HSP90B1: variants seen among roughly 807,000 people sequenced by gnomAD.
HSP90B1 encodes the protein endoplasmin.
HSP90B1 carries 27 observed loss-of-function variants against 100.4 expected under a neutral mutation model. The observed-to-expected ratio is 0.27, with a 90% CI of 0.20 to 0.37. The LOEUF (loss-of-function observed/expected upper bound fraction) is 0.37, where lower values mean the gene tolerates loss of function less well. HSP90B1 is among the 10% of genes least tolerant of loss of function. The pLI, the probability that HSP90B1 is intolerant of heterozygous loss-of-function variation, is 1.00. For missense variants in HSP90B1, 678 were observed against 960.5 expected (o/e 0.71, Z 3.89); for synonymous variants, 304 against 330.8 (o/e 0.92, Z 0.88).
At chr12:103,939,717 A>G in intron 8 of HSP90B1, 92 bp downstream of exon 8, 2 of 602,712 alleles carry the variant, frequency 3.3e-6, no homozygotes, top group Admixed American at 3.1e-5. Context: ...GTGACCATGA[A>G]TATGAGATGG....
intron 5 of HSP90B1, among the ~76,000 whole-genome samples, chr12:103,935,097 T>C (rs1593488157): frequency 6.6e-6 from 1 of 152,092 alleles, no homozygotes; most frequent in East Asian, 1.9e-4. Context: ...CTCTTGAAAA[T>C]ATTCAAGATG....
At chr12:103,931,794 T>C (rs1869772279) in intron 2 of HSP90B1, 171 bp downstream of exon 2, 2 of 665,434 alleles carry the variant, frequency 3.0e-6, no homozygotes, top group East Asian at 6.0e-5. Context: ...CTAGGAGTGA[T>C]GAAAACTGAG....
At position 103,942,698 on chromosome 12, in the gene HSP90B1, C is replaced by T; in HGVS notation, c.1546C>T (p.His516Tyr). ...TAAACTTCTTAGGTTCCAGTCTTCTCATCATCCAACTGACATTACTAGCCT... is the reference window on the plus strand; with the variant it reads ...TAAACTTCTTAGGTTCCAGTCTTCTTATCATCCAACTGACATTACTAGCCT... ...LAKLLRFQSS[H>Y]HPTDITSLDQ... Residue 516 changes from histidine (H) to tyrosine (Y), a missense_variant, in exon 12 of 18, where the codon CAT (histidine) becomes TAT (tyrosine). Coordinates refer to ENST00000299767, the MANE Select transcript of HSP90B1 (RefSeq NM_003299.3). 3.7e-6 allele frequency: 6 copies of T among 1,613,912 alleles called. No individual in the cohort carries two copies. The highest frequency in any genetic ancestry group is 1.7e-5 in the Admixed American group (1 of 60,020).
chr12:103,939,699 T>C, intron 8 of HSP90B1, 74 bp downstream of exon 8: 1 of 706,656 alleles, frequency 1.4e-6, no homozygotes, highest in East Asian at 2.9e-5. Flanking sequence ...TTTAATTGTA[T>C]ATGGTATGTG....
intron 5 of HSP90B1, 52 bp from the exon 6 acceptor site, chr12:103,937,643 A>T (rs530808903): frequency 8.3e-5 from 72 of 868,724 alleles, no homozygotes; most frequent in Non-Finnish European, 1.3e-4. Context: ...ATGAATTTAT[A>T]ATCAGATCTT....
chr12:103,942,777 C>G lies in HSP90B1; in HGVS notation c.1625C>G (p.Ala542Gly). The change falls in exon 12 of 18, where the codon GCT becomes GGT. Residue 542 changes from alanine (A) to glycine (G), a missense_variant. Physicochemically the swap from Ala to Gly is moderately conservative, Grantham distance 60 (BLOSUM62 0). Transcript: ENST00000299767. Reference protein sequence around the residue: ...KEKQDKIYFMAGSSRKEAESS... With the variant: ...KEKQDKIYFMGGSSRKEAESS... Reference sequence around the variant, plus strand: ...AAACAAGACAAAATCTACTTCATGGCTGGGTCCAGCAGAAAAGAGGTGAGA... The same window carrying G: ...AAACAAGACAAAATCTACTTCATGGGTGGGTCCAGCAGAAAAGAGGTGAGA... 6.2e-7 allele frequency: 1 copy of G among 1,613,840 alleles called. No individual in the cohort carries two copies. Among genetic ancestry groups the G allele is most frequent in the South Asian group, 1.1e-5 (1 of 91,056 alleles).
chr12:103,943,342 T>G lies in HSP90B1; in HGVS notation c.1890+23T>G, dbSNP rs1870131641. 1 of 1,608,426 alleles carries G rather than the reference T, an allele frequency of 6.2e-7. No homozygotes were observed. Among genetic ancestry groups the G allele is most frequent in the Admixed American group, 1.7e-5 (1 of 59,618 alleles). ...AAGGTACTGTGGAAATTACAAATTG[T>G]GGAAATATTAGTATCAGCATTTAAG... On this transcript the variant is annotated intron_variant, in intron 13 of 17. Transcript: ENST00000299767. The surrounding 1 kb of genome is among the most constrained non-coding windows in gnomAD (Gnocchi z 5.3).
intron 14 of HSP90B1, among the ~76,000 whole-genome samples, 168 bp downstream of exon 14, chr12:103,944,042 GAGAA>G (rs2136217096): frequency 6.6e-6 from 1 of 152,330 alleles, no homozygotes; most frequent in Non-Finnish European, 1.5e-5. Flanking sequence ...ACATTTGATT[GAGAA>G]AGAAAAGGTC....
rs192194321 is a variant in HSP90B1 at position 103,943,386 on chromosome 12, C to T, written c.1890+67C>T. 3.8e-5 allele frequency: 55 copies of T among 1,446,028 alleles called. No homozygotes were observed. The African/African-American group carries it at 5.3e-4, about 14-fold the overall frequency. The allele number at this position is 1,446,028 out of a possible 1,614,324, so 89.6% of individuals were successfully genotyped here. ...ATTTAAGAGAAAGTTATTTTGTGAACAAATTAAGCTGCAGCTGGTTACTTT... is the reference window on the plus strand; with the variant it reads ...ATTTAAGAGAAAGTTATTTTGTGAATAAATTAAGCTGCAGCTGGTTACTTT... On this transcript the variant is annotated intron_variant, in intron 13 of 17. Coordinates refer to ENST00000299767, the MANE Select transcript of HSP90B1 (RefSeq NM_003299.3). This position sits in a 1 kb window ranked among gnomAD's most constrained non-coding sequence, Gnocchi z 5.3.
intron 5 of HSP90B1, among the ~76,000 whole-genome samples, chr12:103,934,724 G>A (rs987232047): frequency 9.9e-5 from 15 of 152,220 alleles, no homozygotes; most frequent in African/African-American, 2.4e-4. Context: ...ATTTTGAGAC[G>A]GAGTCTCACT....
rs774118680 is a variant in HSP90B1, at chr12:103,934,060, C to A, written c.516C>A (p.Ser172Arg). ...NLGTIAKSGT[S>R]EFLNKMTEAQ... is the part of the protein sequence containing the mutation. ...GTACCATAGCCAAATCTGGGACAAG[C>A]GAGTTTTTAAACAAAATGACTGAAG... Residue 172 changes from serine to arginine, a missense_variant, in exon 5 of 18, where the codon AGC (serine) becomes AGA (arginine). Coordinates refer to ENST00000299767, the MANE Select transcript of HSP90B1 (RefSeq NM_003299.3). 1.9e-6 allele frequency: 3 copies of A among 1,614,034 alleles called. No individual in the cohort carries two copies.
Position 103,943,003 on chromosome 12 carries a change from T to C in HSP90B1, c.1645-71T>C, listed in dbSNP as rs561605690. 2.2e-4 allele frequency: 346 copies of C among 1,568,900 alleles called. 3 individuals are homozygous for C. The South Asian group carries it at 4.0e-3, about 18-fold the overall frequency. ...TGGAGTTTTTAATAATGTATAAACA[T>C]AGCAGCTGCTAGGATAAACAAATAC... On this transcript the variant is annotated intron_variant, in intron 12 of 17. Coordinates refer to ENST00000299767, the MANE Select transcript of HSP90B1 (RefSeq NM_003299.3). The surrounding 1 kb of genome is among the most constrained non-coding windows in gnomAD (Gnocchi z 5.3).
chr12:103,933,021 G>A (rs1343636580), intron 4 of HSP90B1, 79 bp downstream of exon 4: 3 of 769,182 alleles, frequency 3.9e-6, no homozygotes, highest in South Asian at 1.6e-5. Flanking sequence ...GTCAAGATAG[G>A]CTAGATTATT....
rs780790954 is a variant in HSP90B1 at position 103,941,904 on chromosome 12, G to A, written c.1374+7G>A. On this transcript the variant is annotated splice_region_variant and intron_variant, in intron 11 of 17. Coordinates refer to ENST00000299767, the MANE Select transcript of HSP90B1 (RefSeq NM_003299.3). ...GCAACATAAACTGCTTAAGGTAAGT[G>A]TCTCTGGGAAGAAACTCTCCACTTT... The A allele has an allele frequency of 6.2e-7, 1 of 1,610,460 alleles. No homozygotes were observed. The highest frequency in any genetic ancestry group is 8.5e-7 in the Non-Finnish European group (1 of 1,176,828).
At position 103,934,288 on chromosome 12, in the gene HSP90B1, G is replaced by A. The variant is rs1212470292; in HGVS notation, c.743+1G>A. On this transcript the variant is annotated splice_donor_variant, in intron 5 of 17. Transcript: ENST00000299767. LOFTEE classifies it high-confidence loss of function. ...CTCTAGGACGGGGAACGACAATTACGTGAGTATGACCAATTCCTTATAAGA... is the reference window on the plus strand; with the variant it reads ...CTCTAGGACGGGGAACGACAATTACATGAGTATGACCAATTCCTTATAAGA... 3.7e-6 allele frequency: 6 copies of A among 1,607,534 alleles called. No homozygotes were observed. The highest frequency in any genetic ancestry group is 2.2e-5 in the East Asian group (1 of 44,838).
rs1296673736 is a variant in HSP90B1, at chr12:103,941,614, T to G, written c.1231-15T>G. The G allele has an allele frequency of 1.9e-6, 3 of 1,613,840 alleles. No homozygotes were observed. The highest frequency in any genetic ancestry group is 2.5e-6 in the Non-Finnish European group (3 of 1,179,936). On this transcript the variant is annotated splice_polypyrimidine_tract_variant and intron_variant, in intron 9 of 17. Coordinates refer to ENST00000299767, the MANE Select transcript of HSP90B1 (RefSeq NM_003299.3). The stretch of plus-strand genomic sequence containing the variant: ...GTTTAATTTCCAGAAAGTGACTTTT[T>G]TTTGGTCTCTTTAGCTCTATGTGCG...
chr12:103,935,525 A>G (rs551435840), intron 5 of HSP90B1, among the ~76,000 whole-genome samples: 20 of 152,306 alleles, frequency 1.3e-4, no homozygotes, highest in African/African-American at 4.8e-4. Flanking sequence ...ATTGTGACCA[A>G]CTTTCTTCAT....
Position 103,939,609 on chromosome 12 carries a change from A to G in HSP90B1, c.1076A>G (p.Tyr359Cys), listed in dbSNP as rs1400817670. The part of the protein sequence containing the change: ...EVEEDEYKAF[Y>C]KSFSKESDDP... ...GAAGAAGATGAATACAAAGCTTTCTACAAATCATTTTCAAAGGTAAATATT... is the reference window on the plus strand; with the variant it reads ...GAAGAAGATGAATACAAAGCTTTCTGCAAATCATTTTCAAAGGTAAATATT... Residue 359 changes from tyrosine (Y) to cysteine (C), a missense_variant, in exon 8 of 18, where the codon TAC becomes TGC. Tyr to Cys is a radical substitution (Grantham distance 194, BLOSUM62 -2). Coordinates refer to ENST00000299767, the MANE Select transcript of HSP90B1 (RefSeq NM_003299.3). The G allele has an allele frequency of 1.3e-6, 2 of 1,492,708 alleles. No individual in the cohort carries two copies. The highest frequency in any genetic ancestry group is 9.1e-7 in the Non-Finnish European group (1 of 1,093,578). 92.5% of individuals were successfully genotyped at this position (1,492,708 alleles called of 1,614,324 possible).
intron 3 of HSP90B1, 86 bp downstream of exon 3, chr12:103,932,504 T>C (rs1869798270): frequency 3.3e-6 from 4 of 1,197,102 alleles, no homozygotes; most frequent in Non-Finnish European, 4.8e-6. Context: ...GCAAAAGTAA[T>C]GTAGTATCCA....
Sources: gnomAD v4.1 joint callset for allele counts (sites outside exome capture counted in the v4.1 genomes callset) on GRCh38, gnomAD v4.1.1 for gene constraint, Gnocchi (gnomAD v3.1) non-coding constraint, MANE v1.5 for transcripts, NCBI Gene and HGNC (gene_info 2026-07-23, HGNC 2026-07-21) for gene names.